Variants in ACBD3 observed in about 807,000 individuals in gnomAD.
ACBD3 encodes acyl-CoA binding domain containing 3.
Under a neutral mutation model 66.9 loss-of-function variants are expected in ACBD3, and 30 were observed. That is an observed-to-expected ratio of 0.45 (90% CI 0.34 to 0.61). The LOEUF is 0.61. Among genes scored for constraint, ACBD3 ranks in the 20% least tolerant of loss-of-function variants. ACBD3 has a pLI of 0.02. For synonymous variants in ACBD3, 278 were observed against 259.8 expected (o/e 1.07, Z -0.68); for missense variants, 544 against 664.5 (o/e 0.82, Z 1.99).
At chr1:226,164,675 G>T in intron 3 of ACBD3, 114 bp downstream of exon 3, 1 of 1,206,214 alleles carries the variant, frequency 8.3e-7, no homozygotes, top group South Asian at 2.4e-5. Flanking sequence ...AAGAAATGGG[G>T]ATCCAAGGAA....
chr1:226,154,778 G>A lies in ACBD3; in HGVS notation c.959C>T (p.Ser320Leu). ...TGGTACAGTTGCATTCACTTTTGAT[G>A]ATGTAGGCAAGGAAGACCCAGCCAC... Reference protein sequence around the residue: ...VVVAGSSLPTSSKVNATVPSN... With the variant: ...VVVAGSSLPTLSKVNATVPSN... Residue 320 changes from serine to leucine, a missense_variant, in exon 6 of 8, where the codon TCA (serine) becomes TTA (leucine). By Grantham distance (145) the Ser-to-Leu change is moderately radical. Around this residue, in one of 3 missense-constraint regions of ACBD3, gnomAD observed 383 missense variants for 462.4 expected, o/e 0.83. Transcript: ENST00000366812. 2 of 1,613,048 alleles carry A rather than the reference G, an allele frequency of 1.2e-6. No individual in the cohort carries two copies. Among genetic ancestry groups the A allele is most frequent in the South Asian group, 1.1e-5 (1 of 90,894 alleles).
At chr1:226,184,434 T>C (rs1656247206) in intron 1 of ACBD3, among the ~76,000 whole-genome samples, 1 of 152,188 alleles carries the variant, frequency 6.6e-6, no homozygotes, top group Admixed American at 6.6e-5. Context: ...AGTGTAGCTT[T>C]ATTCTCTAAG....
In ACBD3 at chr1:226,155,417, C is replaced by CAA. The variant is rs66832924; in HGVS notation, c.904-586_904-585dup. On this transcript the variant is annotated intron_variant, in intron 5 of 7. Coordinates refer to ENST00000366812, the MANE Select transcript of ACBD3 (RefSeq NM_022735.4). ...GAGCAACAAAAGCGAAACTCCATCT[C>CAA]AAAAAAAAAAAAAAAAAGTAGAAAT... Among the ~76,000 whole-genome samples, 43 of 107,826 alleles carry CAA rather than the reference C, an allele frequency of 4.0e-4. No homozygotes were observed. In the South Asian group the frequency reaches 0.011, roughly 27 times the overall value. 70.7% of individuals were successfully genotyped at this position (107,826 alleles called of 152,430 possible).
intron 7 of ACBD3, 73 bp from the exon 8 acceptor site, chr1:226,146,894 C>T: frequency 1.4e-6 from 2 of 1,437,826 alleles, no homozygotes; most frequent in Non-Finnish European, 1.9e-6. Context: ...AAAATCTATC[C>T]TTTCTTTTTT....
chr1:226,146,523 C>A lies in ACBD3; in HGVS notation c.*87G>T. ...AATATCAATAAGGTAAACTGTGACT[C>A]TAATGCTCCACAAAAGTAAAAAGAA... On this transcript the variant is annotated 3_prime_UTR_variant, in exon 8 of 8. Transcript: ENST00000366812. 1 of 1,155,432 alleles carries A rather than the reference C, an allele frequency of 8.7e-7. No individual in the cohort carries two copies. 71.6% of individuals were successfully genotyped at this position (1,155,432 alleles called of 1,614,324 possible).
At chr1:226,181,464 A>G (rs147630792) in intron 1 of ACBD3, among the ~76,000 whole-genome samples, 10 of 144,696 alleles carry the variant, frequency 6.9e-5, no homozygotes, top group African/African-American at 2.2e-4. Context: ...ATACTCTACT[A>G]TCAGTAACAC....
chr1:226,180,967 C>CCAG (rs1003439761), intron 1 of ACBD3, among the ~76,000 whole-genome samples: 7 of 150,690 alleles, frequency 4.6e-5, no homozygotes, highest in African/African-American at 1.2e-4. Context: ...CCATTGCACT[C>CCAG]CAGCCTCGGT....
chr1:226,162,538 C>G (rs1260593382), intron 3 of ACBD3, among the ~76,000 whole-genome samples: 1 of 152,136 alleles, frequency 6.6e-6, no homozygotes, highest in Non-Finnish European at 1.5e-5. Context: ...TCACCCACCC[C>G]ACAAGACCCT....
At chr1:226,159,463 C>A (rs866734819) in intron 4 of ACBD3, 105 bp from the exon 5 acceptor site, 22 of 1,059,264 alleles carry the variant, frequency 2.1e-5, no homozygotes, top group Admixed American at 2.6e-5. Context: ...CTCTTAAAAA[C>A]AACTAAGCTA....
Position 226,146,748 on chromosome 1 carries a change from G to A in ACBD3, c.1449C>T (p.Tyr483=). The A allele has an allele frequency of 4.3e-6, 7 of 1,614,030 alleles. No individual in the cohort carries two copies. Among genetic ancestry groups the A allele is most frequent in the Non-Finnish European group, 5.9e-6 (7 of 1,180,008 alleles). The change falls in exon 8 of 8, where the codon TAC becomes TAT. Residue 483 remains tyrosine, a synonymous_variant. Coordinates refer to ENST00000366812, the MANE Select transcript of ACBD3 (RefSeq NM_022735.4). ...KPLLDEIVPV[Y]RRDCHEEVYA... is the part of the protein sequence containing the mutation. ...ACACCTCCTCATGACAGTCCCGTCG[G>A]TACACAGGCACAATCTCATCCAGCA...
At position 226,145,105 on chromosome 1, in the gene ACBD3, T is replaced by C. The variant is rs1659422591; in HGVS notation, c.*1505A>G. ...TGTAACAGTATGAACACCTATGAGC[T>C]GGGACTACTTCTGAATCAAAATTAA... On this transcript the variant is annotated 3_prime_UTR_variant, in exon 8 of 8. Transcript: ENST00000366812. 6.6e-6 allele frequency: 1 copy of C among 152,316 alleles called. No individual in the cohort carries two copies. Among genetic ancestry groups the C allele is most frequent in the Non-Finnish European group, 1.5e-5 (1 of 68,012 alleles). The allele number at this position is 152,316 out of a possible 1,614,324, so 9.4% of individuals were successfully genotyped here. A position where few individuals can be genotyped will look rare whatever the true frequency, so the allele number is the denominator to read the frequency against.
At chr1:226,164,249 G>GT (rs767938655) in intron 3 of ACBD3, among the ~76,000 whole-genome samples, 1 of 151,456 alleles carries the variant, frequency 6.6e-6, no homozygotes, top group Non-Finnish European at 1.5e-5. Flanking sequence ...AAAATAAGGT[G>GT]TAACTATAAT....
At chr1:226,180,957 C>T (rs1656157751) in intron 1 of ACBD3, among the ~76,000 whole-genome samples, 1 of 150,908 alleles carries the variant, frequency 6.6e-6, no homozygotes, top group Non-Finnish European at 1.5e-5. Context: ...TGAGATCGCG[C>T]CATTGCACTC....
Position 226,152,611 on chromosome 1 carries a change from G to A in ACBD3, c.1099C>T (p.Pro367Ser), listed in dbSNP as rs753658940. Residue 367 changes from proline (P) to serine (S), a missense_variant, in exon 7 of 8, where the codon CCA (proline) becomes TCA (serine). Pro to Ser is a moderately conservative substitution (Grantham distance 74, BLOSUM62 -1). This residue lies in a region of ACBD3 where 383 missense variants were observed against 462.4 expected (regional missense o/e 0.83). Transcript: ENST00000366812. ...ALENGPKESLPVIAAPSMWTR... is the reference protein window; with the variant it reads ...ALENGPKESLSVIAAPSMWTR... ...CACATGGATGGAGCTGCTATTACTG[G>A]AAGAGATTCTAAAGGCAATAGGTAT... The A allele has an allele frequency of 3.1e-6, 5 of 1,613,606 alleles. No homozygotes were observed. In the South Asian group the frequency reaches 3.3e-5, roughly 11 times the overall value.
rs575809155 is a variant in ACBD3, at chr1:226,166,686, T to C, written c.287-686A>G. On this transcript the variant is annotated intron_variant, in intron 1 of 7. Coordinates refer to ENST00000366812, the MANE Select transcript of ACBD3 (RefSeq NM_022735.4). ...TATTTTTGTAGAGACAAGGTCTCAC[T>C]ATGTTGCCCAGGCTGGTCTCGGACT... Among the ~76,000 whole-genome samples the C allele has an allele frequency of 2.0e-5, 3 of 151,222 alleles. No homozygotes were observed. The South Asian group carries it at 6.3e-4, about 32-fold the overall frequency.
At chr1:226,180,174 A>G (rs1252878880) in intron 1 of ACBD3, among the ~76,000 whole-genome samples, 4 of 145,068 alleles carry the variant, frequency 2.8e-5, no homozygotes, top group African/African-American at 1.0e-4. Flanking sequence ...CTGTCTCCCA[A>G]AAAAAAAAAA....
At position 226,183,013 on chromosome 1, in the gene ACBD3, C is replaced by T. The variant is rs190133251; in HGVS notation, c.286+3377G>A. On this transcript the variant is annotated intron_variant, in intron 1 of 7. Coordinates refer to ENST00000366812, the MANE Select transcript of ACBD3 (RefSeq NM_022735.4). ...GTCATAAAAAATTAAGAATAGTTGA[C>T]GTAATTGATTCAGTCACTGGCCTAT... 1.5e-4 allele frequency among the ~76,000 whole-genome samples: 23 copies of T among 152,170 alleles called. No homozygotes were observed. The East Asian group carries it at 1.7e-3, about 11-fold the overall frequency.
intron 1 of ACBD3, among the ~76,000 whole-genome samples, chr1:226,177,737 T>C (rs540511116): frequency 2.1e-4 from 32 of 151,838 alleles, no homozygotes; most frequent in Middle Eastern, 3.4e-3. Flanking sequence ...ATGAGTTGTT[T>C]TGAGCCACTA....
At chr1:226,161,435 G>A in intron 4 of ACBD3, 96 bp downstream of exon 4, 1 of 1,552,300 alleles carries the variant, frequency 6.4e-7, no homozygotes, top group Non-Finnish European at 8.7e-7. Flanking sequence ...TGGGATTACA[G>A]GCGTGAACCA....
Sources: gnomAD v4.1 joint callset for allele counts (sites outside exome capture counted in the v4.1 genomes callset) on GRCh38, gnomAD v4.1.1 for gene constraint, gnomAD v4.1.1 regional missense constraint, MANE v1.5 for transcripts, NCBI Gene and HGNC (gene_info 2026-07-23, HGNC 2026-07-21) for gene names.